Variants in ZFYVE9 observed in about 807,000 individuals in gnomAD.
The protein encoded by ZFYVE9 is zinc finger FYVE-type containing 9.
Under a neutral mutation model 126.7 loss-of-function variants are expected in ZFYVE9, and 43 were observed. That is an observed-to-expected ratio of 0.34 (90% confidence interval 0.27 to 0.44). The LOEUF (loss-of-function observed/expected upper bound fraction) is 0.44. Ranked by LOEUF, ZFYVE9 falls within the 20% of genes least tolerant of loss-of-function variation. The pLI is 1.00. For missense variants in ZFYVE9, 1,476 were observed against 1,697.0 expected (o/e 0.87, Z 2.29); for synonymous variants, 521 against 597.4 (o/e 0.87, Z 1.87).
chr1:52,182,881 A>T lies in ZFYVE9; in HGVS notation c.-142-33488A>T, dbSNP rs147916233. The stretch of plus-strand genomic sequence containing the variant: ...TATTTTCCTCATTTATATTTTAAGT[A>T]AGCCATAAAACCTAGTCACTATTTT... On this transcript the variant is annotated intron_variant, in intron 1 of 18. Transcript: ENST00000287727. 1.8e-4 allele frequency among the ~76,000 whole-genome samples: 28 copies of T among 152,302 alleles called. No individual in the cohort carries two copies. In the East Asian group the frequency reaches 4.8e-3, roughly 26 times the overall value.
At chr1:52,322,377 CT>C (rs113375062) in intron 13 of ZFYVE9, among the ~76,000 whole-genome samples, 1,412 of 119,442 alleles carry the variant, frequency 0.012, 6 homozygotes, top group African/African-American at 0.038. Context: ...GTGGTCTTTT[CT>C]TTTTTTTTTT....
chr1:52,177,289 A>T (rs964690786), intron 1 of ZFYVE9, among the ~76,000 whole-genome samples: 6 of 152,036 alleles, frequency 3.9e-5, no homozygotes, highest in Non-Finnish European at 8.8e-5. Context: ...AGCTGGGATT[A>T]CAGGCATGAG....
At chr1:52,155,897 C>G (rs1322102919) in intron 1 of ZFYVE9, among the ~76,000 whole-genome samples, 2 of 152,198 alleles carry the variant, frequency 1.3e-5, no homozygotes, top group Non-Finnish European at 2.9e-5. Context: ...ATTGCGACCA[C>G]TGGACTCTTA....
chr1:52,290,327 A>G lies in ZFYVE9; in HGVS notation c.3026-3126A>G, dbSNP rs762618481. 6.6e-5 allele frequency among the ~76,000 whole-genome samples: 10 copies of G among 152,300 alleles called. No homozygotes were observed. In the Middle Eastern group the frequency reaches 0.01, roughly 155 times the overall value. On this transcript the variant is annotated intron_variant, in intron 10 of 18. Coordinates refer to ENST00000287727, the MANE Select transcript of ZFYVE9 (RefSeq NM_004799.4). ...ACCCACTCCCAGGATAACAGCATTA[A>G]TCCAGTCACCTCTCATGAGGCCTTG...
At chr1:52,320,927 T>C (rs1646233686) in intron 13 of ZFYVE9, among the ~76,000 whole-genome samples, 2 of 152,166 alleles carry the variant, frequency 1.3e-5, no homozygotes, top group African/African-American at 4.8e-5. Context: ...GTTCAAACTT[T>C]GATCAGGTCA....
intron 4 of ZFYVE9, among the ~76,000 whole-genome samples, chr1:52,259,650 C>T (rs975072710): frequency 6.8e-6 from 1 of 146,668 alleles, no homozygotes; most frequent in Non-Finnish European, 1.5e-5. Flanking sequence ...AAAAAAAAAT[C>T]GCTGGGCATG....
intron 1 of ZFYVE9, among the ~76,000 whole-genome samples, chr1:52,197,762 G>C (rs1416267790): frequency 6.6e-6 from 1 of 152,240 alleles, no homozygotes; most frequent in African/African-American, 2.4e-5. Context: ...GAAGTTATCA[G>C]TGACTTGAAA....
intron 5 of ZFYVE9, among the ~76,000 whole-genome samples, chr1:52,265,725 G>A (rs1237331140): frequency 6.6e-6 from 1 of 152,080 alleles, no homozygotes; most frequent in Non-Finnish European, 1.5e-5. Flanking sequence ...TTTTATACAG[G>A]GTGATGATTA....
At chr1:52,255,375 G>C (rs1044912463) in intron 4 of ZFYVE9, among the ~76,000 whole-genome samples, 7 of 151,898 alleles carry the variant, frequency 4.6e-5, no homozygotes, top group African/African-American at 1.7e-4. Context: ...CCAGAGGTCG[G>C]GAGTTCAAGA....
chr1:52,244,526 T>C (rs551760226), intron 4 of ZFYVE9, among the ~76,000 whole-genome samples: 24 of 152,136 alleles, frequency 1.6e-4, no homozygotes, highest in Admixed American at 3.9e-4. Context: ...ATAAACATTG[T>C]GAAGGGTGAA....
At chr1:52,336,767 A>G (rs2147873600) in intron 15 of ZFYVE9, among the ~76,000 whole-genome samples, 1 of 152,152 alleles carries the variant, frequency 6.6e-6, no homozygotes, top group Middle Eastern at 3.4e-3. Context: ...GTGATTTTAA[A>G]ACACCCCTTA....
chr1:52,168,377 C>T (rs534665985), intron 1 of ZFYVE9, among the ~76,000 whole-genome samples: 13 of 151,974 alleles, frequency 8.6e-5, no homozygotes, highest in Admixed American at 2.0e-4. Flanking sequence ...CCACCACACC[C>T]GGCTAGATTG....
chr1:52,188,981 A>G (rs1357449859), intron 1 of ZFYVE9, among the ~76,000 whole-genome samples: 1 of 151,972 alleles, frequency 6.6e-6, no homozygotes, highest in African/African-American at 2.4e-5. Flanking sequence ...TTTGTTGCCC[A>G]CGTTGGAGTG....
chr1:52,291,301 A>C (rs1645917486), intron 10 of ZFYVE9, among the ~76,000 whole-genome samples: 1 of 152,218 alleles, frequency 6.6e-6, no homozygotes, highest in South Asian at 2.1e-4. Flanking sequence ...AAAATCAAGG[A>C]TGCAAAGACC....
chr1:52,179,994 G>T, intron 1 of ZFYVE9: 1 of 903,068 alleles, frequency 1.1e-6, no homozygotes, highest in Non-Finnish European at 1.9e-6. Context: ...TATGACTTTG[G>T]AAGAGCTGGA....
Position 52,274,540 on chromosome 1 carries a change from A to C in ZFYVE9, c.2702A>C (p.Glu901Ala). ...GGAAGTGCAATGAATCTTATTCCTG[A>C]AGATGGCCTTCCTCCCATTCTCATC... ...PVGSAMNLIP[E>A]DGLPPILIST... Residue 901 changes from glutamate (E) to alanine (A), a missense_variant, in exon 8 of 19, where the codon GAA (glutamate) becomes GCA (alanine). Around this residue, in one of 2 missense-constraint regions of ZFYVE9, gnomAD observed 669 missense variants for 902.4 expected, o/e 0.74. Coordinates refer to ENST00000287727, the MANE Select transcript of ZFYVE9 (RefSeq NM_004799.4). The C allele has an allele frequency of 6.2e-7, 1 of 1,612,920 alleles. No homozygotes were observed. The highest frequency in any genetic ancestry group is 1.1e-5 in the South Asian group (1 of 90,952).
intron 13 of ZFYVE9, among the ~76,000 whole-genome samples, chr1:52,325,171 C>A (rs1004987536): frequency 6.6e-6 from 1 of 151,488 alleles, no homozygotes; most frequent in Non-Finnish European, 1.5e-5. Context: ...CCCAGCTACT[C>A]GGGAGGCTGA....
intron 1 of ZFYVE9, chr1:52,180,006 G>T (rs967115150): frequency 2.5e-5 from 22 of 878,304 alleles, no homozygotes; most frequent in Admixed American, 1.2e-4. Context: ...AGAGCTGGAG[G>T]ATCGTGAAGA....
chr1:52,275,477 A>T (rs1645736300), intron 8 of ZFYVE9, among the ~76,000 whole-genome samples: 1 of 152,220 alleles, frequency 6.6e-6, no homozygotes, highest in African/African-American at 2.4e-5. Flanking sequence ...TGCTTTCCAC[A>T]GTGGCTGAAC....
Sources: gnomAD v4.1 joint callset for allele counts (sites outside exome capture counted in the v4.1 genomes callset) on GRCh38, gnomAD v4.1.1 for gene constraint, gnomAD v4.1.1 regional missense constraint, MANE v1.5 for transcripts, NCBI Gene and HGNC (gene_info 2026-07-23, HGNC 2026-07-21) for gene names.